The following COL25A1 variants were observed in gnomAD, a reference collection of about 807,000 sequenced individuals.
The protein encoded by COL25A1 is collagen alpha-1(XXV) chain.
In COL25A1, 103 loss-of-function variants were observed where a neutral mutation model predicts 128.4. The ratio of observed to expected loss-of-function variants is 0.80; its 90% confidence interval spans 0.68 to 0.94. The LOEUF is 0.94. COL25A1 is among the 40% of genes least tolerant of loss of function. The probability of loss-of-function intolerance (pLI) is 0.00; values close to 1 mark genes in which losing one functional copy is unlikely to be tolerated. For synonymous variants in COL25A1, 279 were observed against 277.2 expected (o/e 1.01, Z -0.06); for missense variants, 745 against 840.0 (o/e 0.89, Z 1.40).
chr4:108,868,978 GAAGA>G, intron 20 of COL25A1, 106 bp downstream of exon 20: 1 of 623,254 alleles, frequency 1.6e-6, no homozygotes, highest in Non-Finnish European at 2.8e-6. Flanking sequence ...GAAAGGAAAG[GAAGA>G]AAGACAATAA....
chr4:109,039,136 G>A lies in COL25A1; in HGVS notation c.420+9032C>T, dbSNP rs566805320. ...TACCATTCTTTCCAGATCATTTTAC[G>A]TCCCCCCGCTTAGCTGCAACAATAC... On this transcript the variant is annotated intron_variant, in intron 5 of 37. Coordinates refer to ENST00000399132, the MANE Select transcript of COL25A1 (RefSeq NM_198721.4). 6.6e-5 allele frequency among the ~76,000 whole-genome samples: 10 copies of A among 151,566 alleles called. No individual in the cohort carries two copies. In the East Asian group the frequency reaches 1.4e-3, roughly 21 times the overall value.
chr4:109,212,709 A>G (rs1050576476), intron 3 of COL25A1, among the ~76,000 whole-genome samples: 5 of 152,158 alleles, frequency 3.3e-5, no homozygotes, highest in Admixed American at 1.3e-4. Context: ...GTTCCCTAAA[A>G]TGAGATGTAT....
intron 3 of COL25A1, among the ~76,000 whole-genome samples, chr4:109,127,856 T>C (rs1768780887): frequency 6.6e-6 from 1 of 152,170 alleles, no homozygotes; most frequent in African/African-American, 2.4e-5. Flanking sequence ...TCACAGTTAA[T>C]GTATCATTCA....
intron 3 of COL25A1, among the ~76,000 whole-genome samples, chr4:109,245,049 C>A (rs1780170738): frequency 6.6e-6 from 1 of 152,038 alleles, no homozygotes; most frequent in African/African-American, 2.4e-5. Flanking sequence ...ACAGTTAAGA[C>A]AAAATTTAAG....
At chr4:108,818,915 G>C (rs1731504080) in intron 36 of COL25A1, among the ~76,000 whole-genome samples, 1 of 151,494 alleles carries the variant, frequency 6.6e-6, no homozygotes, top group African/African-American at 2.4e-5. Context: ...AAAACCAAAA[G>C]TTATGGTCTA....
chr4:108,955,287 T>C (rs1328608551), intron 8 of COL25A1, among the ~76,000 whole-genome samples: 25 of 152,132 alleles, frequency 1.6e-4, no homozygotes, highest in Admixed American at 1.6e-3. Context: ...GAGATTAAGC[T>C]TCATAAACTT....
rs1296236687 is a variant in COL25A1, at chr4:108,884,113, C to T, written c.1020+65G>A. 19 of 1,511,122 alleles carry T rather than the reference C, an allele frequency of 1.3e-5. No homozygotes were observed. The Middle Eastern group carries it at 5.1e-4, about 41-fold the overall frequency. The allele number at this position is 1,511,122 out of a possible 1,614,324, so 93.6% of individuals were successfully genotyped here. On this transcript the variant is annotated intron_variant, in intron 19 of 37. Transcript: ENST00000399132. ...TTAGTTTCCATTTTTCCCTATTTTCCTCCAATTTGGGTGAATCTCATAATT... is the reference window on the plus strand; with the variant it reads ...TTAGTTTCCATTTTTCCCTATTTTCTTCCAATTTGGGTGAATCTCATAATT...
At chr4:109,277,779 T>A (rs1235258873) in intron 3 of COL25A1, among the ~76,000 whole-genome samples, 1 of 152,164 alleles carries the variant, frequency 6.6e-6, no homozygotes, top group Non-Finnish European at 1.5e-5. Context: ...TACATTTTAT[T>A]ATTATGTTAC....
chr4:108,848,946 A>G (rs1341574959), intron 26 of COL25A1, 143 bp from the exon 27 acceptor site: 3 of 629,124 alleles, frequency 4.8e-6, no homozygotes, highest in Non-Finnish European at 8.5e-6. Flanking sequence ...ATTATAGCAC[A>G]TATCTAAACT....
intron 32 of COL25A1, 41 bp from the exon 33 acceptor site, chr4:108,827,229 C>T: frequency 6.6e-7 from 1 of 1,521,674 alleles, no homozygotes; most frequent in Non-Finnish European, 9.1e-7. Context: ...ACACACCCAC[C>T]TACATTCACA....
intron 3 of COL25A1, among the ~76,000 whole-genome samples, chr4:109,217,468 C>G (rs1242363871): frequency 6.6e-6 from 1 of 151,892 alleles, no homozygotes; most frequent in East Asian, 1.9e-4. Flanking sequence ...TCTTTTAAGT[C>G]TAAATAACTG....
chr4:109,072,027 T>C (rs1396546174), intron 3 of COL25A1, among the ~76,000 whole-genome samples: 3 of 152,186 alleles, frequency 2.0e-5, no homozygotes, highest in Non-Finnish European at 4.4e-5. Flanking sequence ...ATGAGGAACA[T>C]TTTCGTGCAG....
chr4:109,223,407 CA>C lies in COL25A1; in HGVS notation c.367+77175del, dbSNP rs566941038. ...TATTATATTCCACATTTCCCCCCCC[CA>C]AAAAAAACTGCACTAATGATAGTTC... On this transcript the variant is annotated intron_variant, in intron 3 of 37. Coordinates refer to ENST00000399132, the MANE Select transcript of COL25A1 (RefSeq NM_198721.4). Among the ~76,000 whole-genome samples, 184 of 151,450 alleles carry C rather than the reference CA, an allele frequency of 1.2e-3. 1 individual carries two copies. In the Middle Eastern group the frequency reaches 0.027, roughly 23 times the overall value.
At chr4:109,264,486 A>G (rs959809558) in intron 3 of COL25A1, among the ~76,000 whole-genome samples, 3 of 152,238 alleles carry the variant, frequency 2.0e-5, no homozygotes, top group Non-Finnish European at 4.4e-5. Flanking sequence ...CAGAAGGAAC[A>G]GAGCAAAATG....
intron 12 of COL25A1, among the ~76,000 whole-genome samples, chr4:108,919,203 C>T (rs115194516): frequency 0.016 from 2,390 of 152,006 alleles, 25 homozygotes; most frequent in Non-Finnish European, 0.022. Context: ...CCAAAAACTC[C>T]CCTAAAAAAT....
chr4:109,264,240 A>G (rs1320429815), intron 3 of COL25A1, among the ~76,000 whole-genome samples: 1 of 152,192 alleles, frequency 6.6e-6, no homozygotes, highest in African/African-American at 2.4e-5. Flanking sequence ...TAGTGCGACC[A>G]GGAGAGGGAA....
At chr4:108,927,364 CATAA>C (rs1175852985) in intron 11 of COL25A1, among the ~76,000 whole-genome samples, 1 of 152,102 alleles carries the variant, frequency 6.6e-6, no homozygotes, top group Admixed American at 6.6e-5. Flanking sequence ...GTGCCTAACA[CATAA>C]ATAATTATTG....
intron 6 of COL25A1, among the ~76,000 whole-genome samples, chr4:108,991,156 T>C (rs1754190217): frequency 6.6e-6 from 1 of 152,224 alleles, no homozygotes; most frequent in Non-Finnish European, 1.5e-5. Flanking sequence ...CAAAACATTG[T>C]TGGACTAAGT....
intron 37 of COL25A1, among the ~76,000 whole-genome samples, chr4:108,814,739 G>T (rs1731092911): frequency 6.6e-6 from 1 of 152,168 alleles, no homozygotes; most frequent in African/African-American, 2.4e-5. Context: ...ACGCTGCTGT[G>T]TTTATTAGGT....
Sources: gnomAD v4.1 joint callset for allele counts (sites outside exome capture counted in the v4.1 genomes callset) on GRCh38, gnomAD v4.1.1 for gene constraint, MANE v1.5 for transcripts, NCBI Gene and HGNC (gene_info 2026-07-23, HGNC 2026-07-21) for gene names.